Variants in SMG6 observed in about 807,000 individuals in gnomAD.
SMG6 encodes the protein telomerase-binding protein EST1A.
SMG6 carries 66 observed loss-of-function variants against 142.2 expected under a neutral mutation model. That is an observed-to-expected ratio of 0.46 (90% confidence interval 0.38 to 0.57). The LOEUF is 0.57. SMG6 is among the 20% of genes least tolerant of loss of function. The pLI, the probability that SMG6 is intolerant of heterozygous loss-of-function variation, is 0.00. For missense variants in SMG6, 1,793 were observed against 1,832.0 expected (o/e 0.98, Z 0.39); for synonymous variants, 779 against 702.4 (o/e 1.11, Z -1.72).
chr17:2,249,803 G>C lies in SMG6; in HGVS notation c.2662-5084C>G, dbSNP rs367925976. ...GAGAGGTAGTGTTAGAATTATTAAA[G>C]GTCTTCTGGCTCCTTAGCTCAAGTC... On this transcript the variant is annotated intron_variant, in intron 8 of 18. Transcript: ENST00000263073. 2.2e-3 allele frequency among the ~76,000 whole-genome samples: 340 copies of C among 152,258 alleles called. 4 individuals are homozygous for C. Among genetic ancestry groups the C allele is most frequent in the South Asian group, 0.02 (96 of 4,820 alleles).
intron 12 of SMG6, among the ~76,000 whole-genome samples, chr17:2,184,099 C>T (rs369421865): frequency 3.9e-5 from 6 of 152,218 alleles, no homozygotes; most frequent in South Asian, 2.1e-4. Context: ...TGGTGGCTCA[C>T]GCCTGTAATC....
chr17:2,081,770 A>G (rs1488414339), intron 15 of SMG6, 40 bp downstream of exon 15: 1 of 1,608,116 alleles, frequency 6.2e-7, no homozygotes, highest in East Asian at 2.2e-5. Flanking sequence ...CTAGACAGCA[A>G]CCCCCATAGT....
chr17:2,238,837 T>G (rs1388109138), intron 9 of SMG6, among the ~76,000 whole-genome samples: 1 of 152,134 alleles, frequency 6.6e-6, no homozygotes, highest in Admixed American at 6.5e-5. Flanking sequence ...AAAAAAATTC[T>G]CCCTTTGCCT....
chr17:2,233,882 C>A (rs1231217032), intron 10 of SMG6, among the ~76,000 whole-genome samples: 1 of 152,230 alleles, frequency 6.6e-6, no homozygotes, highest in East Asian at 1.9e-4. Context: ...CAGCTGCACA[C>A]TGGGTACTTG....
At chr17:2,252,961 A>G (rs1007705915) in intron 8 of SMG6, among the ~76,000 whole-genome samples, 1 of 152,064 alleles carries the variant, frequency 6.6e-6, no homozygotes, top group African/African-American at 2.4e-5. Context: ...CATGAAAATT[A>G]TATGAAATAT....
intron 10 of SMG6, among the ~76,000 whole-genome samples, chr17:2,198,576 T>C (rs984008939): frequency 6.6e-6 from 1 of 152,146 alleles, no homozygotes; most frequent in African/African-American, 2.4e-5. Flanking sequence ...ATGCAAGACA[T>C]GAAAAATGGG....
At chr17:2,115,319 T>C (rs1477701896) in intron 13 of SMG6, among the ~76,000 whole-genome samples, 2 of 152,116 alleles carry the variant, frequency 1.3e-5, no homozygotes, top group Non-Finnish European at 2.9e-5. Flanking sequence ...AGACTGGCCC[T>C]AGTAAGGATG....
At position 2,196,089 on chromosome 17, in the gene SMG6, C is replaced by T. The variant is rs138176751; in HGVS notation, c.2870-7574G>A. Among the ~76,000 whole-genome samples the T allele has an allele frequency of 7.8e-4, 119 of 152,178 alleles. 1 individual carries two copies. Among genetic ancestry groups the T allele is most frequent in the African/African-American group, 2.0e-3 (82 of 41,504 alleles). ...TCAGGTATAAGTCTAACAGAACGTA[C>T]GGAAACGCTATGCTAAAAATCTGAA... On this transcript the variant is annotated intron_variant, in intron 10 of 18. Coordinates refer to ENST00000263073, the MANE Select transcript of SMG6 (RefSeq NM_017575.5).
At chr17:2,140,594 C>T (rs2070446584) in intron 13 of SMG6, among the ~76,000 whole-genome samples, 1 of 150,952 alleles carries the variant, frequency 6.6e-6, no homozygotes, top group African/African-American at 2.4e-5. Context: ...ATCGCTTGAA[C>T]CTGGGAGGCG....
intron 13 of SMG6, among the ~76,000 whole-genome samples, chr17:2,164,201 T>C (rs1040073364): frequency 9.2e-5 from 14 of 151,392 alleles, no homozygotes; most frequent in Admixed American, 9.2e-4. Flanking sequence ...GGCGGGCAAA[T>C]CACTTGAGGT....
chr17:2,268,750 A>C (rs2074479344), intron 8 of SMG6, among the ~76,000 whole-genome samples: 1 of 150,316 alleles, frequency 6.7e-6, no homozygotes, highest in African/African-American at 2.5e-5. Context: ...TCTCTACTAA[A>C]AATACAAAAA....
chr17:2,245,194 T>C (rs1229197895), intron 8 of SMG6, among the ~76,000 whole-genome samples: 2 of 152,164 alleles, frequency 1.3e-5, no homozygotes, highest in South Asian at 2.1e-4. Flanking sequence ...CACCACTAAC[T>C]AGCTCATCAA....
At chr17:2,088,334 T>C (rs1474930925) in intron 13 of SMG6, 1 of 985,270 alleles carries the variant, frequency 1.0e-6, no homozygotes, top group African/African-American at 1.7e-5. Flanking sequence ...GACCCAGGGA[T>C]GTGGACATCC....
At chr17:2,091,975 C>T (rs2068737909) in intron 13 of SMG6, among the ~76,000 whole-genome samples, 1 of 151,566 alleles carries the variant, frequency 6.6e-6, no homozygotes, top group South Asian at 2.1e-4. Flanking sequence ...AGCCACTGCG[C>T]CTGGCCCCTT....
At chr17:2,221,737 C>T (rs1210743149) in intron 10 of SMG6, among the ~76,000 whole-genome samples, 1 of 152,182 alleles carries the variant, frequency 6.6e-6, no homozygotes, top group Non-Finnish European at 1.5e-5. Flanking sequence ...CCAGGCTGAC[C>T]TGCTGACAGA....
chr17:2,201,750 G>A (rs1246445661), intron 10 of SMG6, among the ~76,000 whole-genome samples: 1 of 151,912 alleles, frequency 6.6e-6, no homozygotes, highest in Non-Finnish European at 1.5e-5. Context: ...CAGGCTGGGT[G>A]CGGTGGCTCA....
At chr17:2,077,863 C>T (rs1406485902) in intron 15 of SMG6, among the ~76,000 whole-genome samples, 1 of 151,958 alleles carries the variant, frequency 6.6e-6, no homozygotes, top group Non-Finnish European at 1.5e-5. Flanking sequence ...AGGAAACAGG[C>T]TCAGAAAAGT....
chr17:2,222,541 T>TGCGGGG (rs1184377516), intron 10 of SMG6, among the ~76,000 whole-genome samples: 3 of 3,694 alleles, frequency 8.1e-4, no homozygotes, highest in African/African-American at 3.8e-3. Context: ...AGAGAGGCAA[T>TGCGGGG]GCGGGGGCGG....
intron 4 of SMG6, among the ~76,000 whole-genome samples, chr17:2,294,019 C>A (rs912822120): frequency 1.3e-5 from 2 of 152,144 alleles, no homozygotes; most frequent in African/African-American, 4.8e-5. Context: ...CACCACCTCA[C>A]AGCACACAAT....
Sources: allele counts gnomAD v4.1 joint callset (sites outside exome capture counted in the v4.1 genomes callset), GRCh38; gene constraint gnomAD v4.1.1; transcripts MANE v1.5; gene names NCBI Gene and HGNC (gene_info 2026-07-23, HGNC 2026-07-21).